Variants in CDC25C observed in about 807,000 individuals in gnomAD.
CDC25C encodes the protein M-phase inducer phosphatase 3.
CDC25C carries 48 observed loss-of-function variants against 52.5 expected under a neutral mutation model. That is an observed-to-expected ratio of 0.91 (90% CI 0.72 to 1.16). The LOEUF is 1.16. Among genes scored for constraint, CDC25C ranks in the 50% most tolerant of loss-of-function variants. CDC25C has a pLI of 0.00. For missense variants in CDC25C, 510 were observed against 566.1 expected (o/e 0.90, Z 1.01); for synonymous variants, 187 against 206.5 (o/e 0.91, Z 0.81).
At chr5:138,324,711 T>C (rs1034704080) in intron 6 of CDC25C, among the ~76,000 whole-genome samples, 3 of 151,394 alleles carry the variant, frequency 2.0e-5, no homozygotes, top group African/African-American at 7.3e-5. Context: ...TGAGCCGAGA[T>C]TGCACCACTG....
chr5:138,332,245 T>G (rs1760452686), upstream of CDC25C: 1 of 152,266 alleles, frequency 6.6e-6, no homozygotes, highest in African/African-American at 2.4e-5. Context: ...TTTTCTTCGC[T>G]TCTTTCTCGT....
intron 6 of CDC25C, among the ~76,000 whole-genome samples, chr5:138,325,602 G>T (rs1759784953): frequency 6.6e-6 from 1 of 152,170 alleles, no homozygotes; most frequent in East Asian, 1.9e-4. Flanking sequence ...AAATAATGAT[G>T]ACCTACTGTG....
chr5:138,292,881 C>T (rs527762826), intron 7 of CDC25C, among the ~76,000 whole-genome samples: 6 of 152,262 alleles, frequency 3.9e-5, no homozygotes, highest in African/African-American at 7.2e-5. Flanking sequence ...TCCTCTGTTG[C>T]CACATACTTT....
chr5:138,326,410 C>T (rs1034364141), intron 4 of CDC25C, among the ~76,000 whole-genome samples: 7 of 151,912 alleles, frequency 4.6e-5, no homozygotes, highest in African/African-American at 1.7e-4. Flanking sequence ...GGCACGACCT[C>T]GGCTCACAGC....
chr5:138,310,997 T>C (rs1028067644), intron 7 of CDC25C, among the ~76,000 whole-genome samples: 1 of 152,194 alleles, frequency 6.6e-6, no homozygotes, highest in Non-Finnish European at 1.5e-5. Context: ...TATAGACCAA[T>C]GGAATGGAAC....
At chr5:138,309,116 T>G (rs2126744967) in intron 7 of CDC25C, among the ~76,000 whole-genome samples, 1 of 152,240 alleles carries the variant, frequency 6.6e-6, no homozygotes, top group African/African-American at 2.4e-5. Flanking sequence ...CATTGTATTT[T>G]CCACATTCTT....
chr5:138,320,028 C>T lies in CDC25C; in HGVS notation c.460-654G>A, dbSNP rs536320445. ...ACCCAAAAGAATTAAAAGCAGGGGCCGGGCGCAGTAGCTCACGCCTGTAAT... is the reference window on the plus strand; with the variant it reads ...ACCCAAAAGAATTAAAAGCAGGGGCTGGGCGCAGTAGCTCACGCCTGTAAT... On this transcript the variant is annotated intron_variant, in intron 6 of 13. Coordinates refer to ENST00000323760, the MANE Select transcript of CDC25C (RefSeq NM_001790.5). 1.7e-4 allele frequency among the ~76,000 whole-genome samples: 26 copies of T among 152,278 alleles called. No homozygotes were observed. In the South Asian group the frequency reaches 5.0e-3, roughly 29 times the overall value.
chr5:138,286,579 T>C lies in CDC25C; in HGVS notation c.1078A>G (p.Lys360Glu). 1 of 1,613,938 alleles carries C rather than the reference T, an allele frequency of 6.2e-7. No homozygotes were observed. The highest frequency in any genetic ancestry group is 8.5e-7 in the Non-Finnish European group (1 of 1,179,824). ...QEELFNFFLK[K>E]PIVPLDTQKR... ...TGGGTGTCCAAAGGGACGATGGGCT[T>C]CTTCAGAAAGAAGTTAAACAGTTCT... Residue 360 changes from lysine (K) to glutamate (E), a missense_variant, in exon 12 of 14, where the codon AAG becomes GAG. Transcript: ENST00000323760.
chr5:138,287,655 GT>G (rs1331155585), intron 10 of CDC25C, among the ~76,000 whole-genome samples: 3 of 152,180 alleles, frequency 2.0e-5, no homozygotes, highest in African/African-American at 7.2e-5. Context: ...AAGGAAGAAA[GT>G]AAGTCTTTCA....
intron 10 of CDC25C, among the ~76,000 whole-genome samples, chr5:138,288,380 C>T (rs1220174583): frequency 1.3e-5 from 2 of 151,418 alleles, no homozygotes; most frequent in Non-Finnish European, 2.9e-5. Context: ...CCCATGATCC[C>T]ATTTCTATAA....
At chr5:138,329,726 C>CTTTTTTTT (rs71574413) in intron 2 of CDC25C, 79 bp from the exon 3 acceptor site, 13 of 293,680 alleles carry the variant, frequency 4.4e-5, no homozygotes, top group African/African-American at 7.2e-5. Context: ...TCATCCTCTT[C>CTTTTTTTT]TTTTTTTTTT....
chr5:138,299,888 A>C (rs1757508072), intron 7 of CDC25C, among the ~76,000 whole-genome samples: 1 of 152,176 alleles, frequency 6.6e-6, no homozygotes, highest in Non-Finnish European at 1.5e-5. Context: ...AATTAAAAAA[A>C]AGTCTCAAGT....
intron 7 of CDC25C, among the ~76,000 whole-genome samples, chr5:138,313,680 C>T (rs1758625982): frequency 6.6e-6 from 1 of 152,010 alleles, no homozygotes; most frequent in Non-Finnish European, 1.5e-5. Flanking sequence ...CTCTTTCTTC[C>T]CAGCCTTTCT....
intron 6 of CDC25C, among the ~76,000 whole-genome samples, chr5:138,323,396 G>T (rs761720854): frequency 2.6e-5 from 4 of 152,050 alleles, no homozygotes; most frequent in Non-Finnish European, 5.9e-5. Context: ...CTCTTGGGCC[G>T]AGGCGATCCT....
rs556723409 is a variant in CDC25C at position 138,295,286 on chromosome 5, A to T, written c.616-3170T>A. 2.0e-5 allele frequency among the ~76,000 whole-genome samples: 3 copies of T among 152,358 alleles called. No homozygotes were observed. The East Asian group carries it at 5.8e-4, about 29-fold the overall frequency. On this transcript the variant is annotated intron_variant, in intron 7 of 13. Transcript: ENST00000323760. The stretch of plus-strand genomic sequence containing the variant: ...AAGGACAAGATGTCAAAAATAAATG[A>T]TAGCAGAAAACTACTTTCGCAAACA...
chr5:138,300,652 T>C (rs1176442455), intron 7 of CDC25C, among the ~76,000 whole-genome samples: 6 of 152,120 alleles, frequency 3.9e-5, no homozygotes, highest in Admixed American at 3.9e-4. Context: ...CTACTTGACA[T>C]ACATAGAATA....
At chr5:138,319,412 A>C in intron 6 of CDC25C, 38 bp from the exon 7 acceptor site, 1 of 1,511,134 alleles carries the variant, frequency 6.6e-7, no homozygotes, top group Non-Finnish European at 9.0e-7. Context: ...ACTATTCAAA[A>C]TATATCAAAG....
At chr5:138,332,546 A>G (rs111821654), upstream of CDC25C, among the ~76,000 whole-genome samples, 34 of 152,254 alleles carry the variant, frequency 2.2e-4, 1 homozygote, top group African/African-American at 7.7e-4. Context: ...TTATTAATGA[A>G]AATTTGAACA....
chr5:138,326,952 CAAAAAAAAAAA>C (rs1208599313), intron 4 of CDC25C, among the ~76,000 whole-genome samples: 1 of 61,392 alleles, frequency 1.6e-5, no homozygotes, highest in African/African-American at 8.1e-5. Context: ...AACTCCGTCT[CAAAAAAAAAAA>C]AAAAAAAAAA....
Sources: gnomAD v4.1 joint callset for allele counts (sites outside exome capture counted in the v4.1 genomes callset) on GRCh38, gnomAD v4.1.1 for gene constraint, MANE v1.5 for transcripts, NCBI Gene and HGNC (gene_info 2026-07-23, HGNC 2026-07-21) for gene names.